The following FGF12 variants were observed in gnomAD, a reference collection of about 807,000 sequenced individuals.
FGF12 encodes fibroblast growth factor 12B.
Under a neutral mutation model 23.6 loss-of-function variants are expected in FGF12, and 14 were observed. The observed-to-expected ratio is 0.59, with a 90% CI of 0.39 to 0.93. The LOEUF (loss-of-function observed/expected upper bound fraction) is 0.93, where lower values mean the gene tolerates loss of function less well. Among genes scored for constraint, FGF12 ranks in the 40% least tolerant of loss-of-function variants. The probability of loss-of-function intolerance (pLI) is 0.00; values close to 1 mark genes in which losing one functional copy is unlikely to be tolerated. For synonymous variants in FGF12, 62 were observed against 77.3 expected (o/e 0.80, Z 1.04); for missense variants, 175 against 217.8 (o/e 0.80, Z 1.24).
chr3:192,173,672 G>A (rs1577203011), intron 4 of FGF12, among the ~76,000 whole-genome samples: 1 of 151,846 alleles, frequency 6.6e-6, no homozygotes, highest in South Asian at 2.1e-4. Context: ...CTAGCAAACA[G>A]TATTAACCCT....
intron 2 of FGF12, among the ~76,000 whole-genome samples, chr3:192,494,130 C>A (rs1289053616): frequency 6.6e-6 from 1 of 152,222 alleles, no homozygotes; most frequent in Non-Finnish European, 1.5e-5. Context: ...GCATCTCTGT[C>A]TTCCTCTGTA....
chr3:192,193,788 T>TA (rs1716924713), intron 4 of FGF12, among the ~76,000 whole-genome samples: 1 of 152,180 alleles, frequency 6.6e-6, no homozygotes. Context: ...AGGATATTTT[T>TA]ATTCCAAATG....
At chr3:192,171,906 T>A (rs1205232325) in intron 4 of FGF12, among the ~76,000 whole-genome samples, 1 of 139,228 alleles carries the variant, frequency 7.2e-6, no homozygotes, top group Non-Finnish European at 1.6e-5. Flanking sequence ...CCCTCTCTCC[T>A]TTTTTTTCTT....
intron 2 of FGF12, among the ~76,000 whole-genome samples, chr3:192,660,026 T>G (rs962531687): frequency 1.3e-5 from 2 of 151,956 alleles, no homozygotes; most frequent in Non-Finnish European, 2.9e-5. Context: ...ACCCAAAGGA[T>G]TATAAATCAT....
At chr3:192,670,694 G>A (rs1307655695) in intron 2 of FGF12, among the ~76,000 whole-genome samples, 2 of 152,150 alleles carry the variant, frequency 1.3e-5, no homozygotes, top group African/African-American at 4.8e-5. Flanking sequence ...AACAGTTAAA[G>A]CACTGAATAA....
At chr3:192,399,477 A>AT (rs1560099564) in intron 2 of FGF12, among the ~76,000 whole-genome samples, 1 of 152,250 alleles carries the variant, frequency 6.6e-6, no homozygotes, top group African/African-American at 2.4e-5. Flanking sequence ...GTATTTTATC[A>AT]TAACAACCAG....
intron 4 of FGF12, among the ~76,000 whole-genome samples, chr3:192,247,613 T>C (rs1711708838): frequency 2.0e-5 from 3 of 152,178 alleles, no homozygotes; most frequent in African/African-American, 7.2e-5. Flanking sequence ...TGGCAGGAGA[T>C]GACAGTTCAA....
intron 2 of FGF12, among the ~76,000 whole-genome samples, chr3:192,631,087 T>C (rs550513779): frequency 1.3e-5 from 2 of 152,282 alleles, no homozygotes; most frequent in East Asian, 3.9e-4. Context: ...TTATTCCTTA[T>C]CTCTTTCTCC....
intron 2 of FGF12, among the ~76,000 whole-genome samples, chr3:192,410,498 G>A (rs1721165617): frequency 6.6e-6 from 1 of 152,144 alleles, no homozygotes; most frequent in Admixed American, 6.5e-5. Context: ...CTGAGAAAAT[G>A]CAGTCCACAC....
chr3:192,279,230 GTATATATA>G lies in FGF12; in HGVS notation c.228+56123_228+56130del, dbSNP rs59504943. Among the ~76,000 whole-genome samples, 230 of 131,960 alleles carry G rather than the reference GTATATATA, an allele frequency of 1.7e-3. 2 individuals carry two copies. Among genetic ancestry groups the G allele is most frequent in the Middle Eastern group, 7.7e-3 (2 of 260 alleles). The allele number at this position is 131,960 out of a possible 152,430, so 86.6% of individuals were successfully genotyped here. A position where few individuals can be genotyped will look rare whatever the true frequency, so the allele number is the denominator to read the frequency against. On this transcript the variant is annotated intron_variant, in intron 4 of 5. Transcript: ENST00000445105. Reference sequence around the variant, plus strand: ...TAAGTCATGCTTGGTTAATGTATGAGTATATATATATATATATATATATAAAATGTACA... The same window carrying G: ...TAAGTCATGCTTGGTTAATGTATGAGTATATATATATATATAAAATGTACA...
At chr3:192,326,844 C>T (rs1716846891) in intron 4 of FGF12, among the ~76,000 whole-genome samples, 2 of 152,142 alleles carry the variant, frequency 1.3e-5, no homozygotes, top group East Asian at 3.8e-4. Flanking sequence ...CCTCACAATG[C>T]TGAGTGACCT....
chr3:192,485,458 C>T (rs973976194), intron 2 of FGF12, among the ~76,000 whole-genome samples: 2 of 152,038 alleles, frequency 1.3e-5, no homozygotes, highest in African/African-American at 4.8e-5. Context: ...TTCAGAAATC[C>T]CAGCTCTAGG....
At chr3:192,175,124 G>A (rs1715784207) in intron 4 of FGF12, among the ~76,000 whole-genome samples, 1 of 152,150 alleles carries the variant, frequency 6.6e-6, no homozygotes, top group Non-Finnish European at 1.5e-5. Context: ...CATATATTCA[G>A]AAGGGGTTCT....
intron 4 of FGF12, among the ~76,000 whole-genome samples, chr3:192,271,885 A>G (rs1560044894): frequency 6.6e-6 from 1 of 152,198 alleles, no homozygotes; most frequent in Admixed American, 6.6e-5. Context: ...AGAATTTCCC[A>G]GGCTACAGAC....
intron 4 of FGF12, among the ~76,000 whole-genome samples, chr3:192,177,544 G>A (rs1392984482): frequency 2.6e-5 from 4 of 152,130 alleles, no homozygotes; most frequent in African/African-American, 4.8e-5. Flanking sequence ...ATAATTACAC[G>A]ATACCATAAC....
intron 4 of FGF12, among the ~76,000 whole-genome samples, chr3:192,222,873 A>T (rs1718545694): frequency 6.6e-6 from 1 of 152,074 alleles, no homozygotes; most frequent in Non-Finnish European, 1.5e-5. Context: ...TTCTGCAAAA[A>T]CAACTGTTCA....
chr3:192,190,471 T>TTC (rs1288970011), intron 4 of FGF12, among the ~76,000 whole-genome samples: 6 of 129,028 alleles, frequency 4.7e-5, no homozygotes, highest in South Asian at 5.7e-4. Flanking sequence ...CAATACTCTT[T>TTC]TTTTTTTTTT....
intron 5 of FGF12, among the ~76,000 whole-genome samples, 156 bp from the exon 6 acceptor site, chr3:192,144,283 CTTAA>C (rs1713571883): frequency 6.6e-6 from 1 of 152,172 alleles, no homozygotes; most frequent in Non-Finnish European, 1.5e-5. Flanking sequence ...AGTGAATACA[CTTAA>C]TTTTCTTTCA....
intron 2 of FGF12, among the ~76,000 whole-genome samples, chr3:192,600,631 C>A (rs1714074090): frequency 6.6e-6 from 1 of 151,766 alleles, no homozygotes; most frequent in South Asian, 2.1e-4. Context: ...TAAAAATGGG[C>A]AAATGAACTG....
Sources: gnomAD v4.1 joint callset for allele counts (sites outside exome capture counted in the v4.1 genomes callset) on GRCh38, gnomAD v4.1.1 for gene constraint, MANE v1.5 for transcripts, NCBI Gene and HGNC (gene_info 2026-07-23, HGNC 2026-07-21) for gene names.